The following LIN37 variants were observed in gnomAD, a reference collection of about 807,000 sequenced individuals.
The protein encoded by LIN37 is protein lin-37 homolog.
Under a neutral mutation model 38.0 loss-of-function variants are expected in LIN37, and 21 were observed. The observed-to-expected ratio is 0.55, with a 90% confidence interval of 0.39 to 0.80. The LOEUF (loss-of-function observed/expected upper bound fraction) is 0.80. Ranked by LOEUF, LIN37 falls within the 30% of genes least tolerant of loss-of-function variation. LIN37 has a pLI of 0.00. For synonymous variants in LIN37, 126 were observed against 122.9 expected (o/e 1.03, Z -0.17); for missense variants, 273 against 338.5 (o/e 0.81, Z 1.52).
rs764059467 is a variant in LIN37, at chr19:35,753,269, G to T, written c.444+16G>T. The stretch of plus-strand genomic sequence containing the variant: ...GGATGAGGAGGTGGGATGGGTAGTG[G>T]GTCCCAGCCCAGCAGCCTGGTGCCA... On this transcript the variant is annotated intron_variant, in intron 6 of 8. Transcript: ENST00000301159. The T allele has an allele frequency of 9.1e-6, 14 of 1,543,774 alleles. 1 individual carries two copies. In the South Asian group the frequency reaches 1.7e-4, roughly 18 times the overall value.
chr19:35,753,647 AG>A (rs1161159709), intron 6 of LIN37: 10 of 488,408 alleles, frequency 2.0e-5, no homozygotes, highest in Non-Finnish European at 1.1e-5. Context: ...GGGGTAGACA[AG>A]GGTCCCCAGG....
At chr19:35,749,722 T>C (rs1599735397) in intron 1 of LIN37, among the ~76,000 whole-genome samples, 2 of 148,258 alleles carry the variant, frequency 1.3e-5, no homozygotes, top group African/African-American at 2.5e-5. Flanking sequence ...GGAGGATCGC[T>C]GGAGCCGGGG....
intron 1 of LIN37, 24 bp from the exon 2 acceptor site, chr19:35,752,152 C>A: frequency 1.9e-6 from 3 of 1,571,686 alleles, no homozygotes; most frequent in Non-Finnish European, 2.6e-6. Context: ...GAGCTGACTC[C>A]TGCTGGGTCC....
chr19:35,753,306 G>A (rs1358649653), intron 6 of LIN37, 53 bp downstream of exon 6: 1 of 1,531,358 alleles, frequency 6.5e-7, no homozygotes, highest in Non-Finnish European at 8.8e-7. Context: ...GGCAGTGGGT[G>A]GATAGGCTCA....
chr19:35,753,434 G>A, intron 6 of LIN37, 181 bp downstream of exon 6: 1 of 759,060 alleles, frequency 1.3e-6, no homozygotes, highest in South Asian at 1.6e-5. Context: ...AGAGTCCCTA[G>A]GGAAGACATA....
intron 1 of LIN37, among the ~76,000 whole-genome samples, chr19:35,749,824 G>GAAGA (rs59413476): frequency 6.9e-6 from 1 of 145,508 alleles, no homozygotes; most frequent in Non-Finnish European, 1.5e-5. Flanking sequence ...AAAAAAGAAA[G>GAAGA]GAAAAGAAAA....
At position 35,750,539 on chromosome 19, in the gene LIN37, C is replaced by T. The variant is rs1034684310; in HGVS notation, c.35-1637C>T. 7.2e-5 allele frequency among the ~76,000 whole-genome samples: 11 copies of T among 152,310 alleles called. No individual in the cohort carries two copies. The East Asian group carries it at 1.9e-3, about 27-fold the overall frequency. Reference sequence around the variant, plus strand: ...ACACCTCTCAAAGGTAGGAGGACAGCGTAACATCATCACTTCCTCAAGTTC... The same window carrying T: ...ACACCTCTCAAAGGTAGGAGGACAGTGTAACATCATCACTTCCTCAAGTTC... On this transcript the variant is annotated intron_variant, in intron 1 of 8. Transcript: ENST00000301159.
At chr19:35,748,834 C>G in intron 1 of LIN37, 76 bp downstream of exon 1, 1 of 1,610,924 alleles carries the variant, frequency 6.2e-7, no homozygotes, top group Non-Finnish European at 8.5e-7. Flanking sequence ...AAGGGAGTAT[C>G]GCGGAAAGGG....
chr19:35,752,676 G>A (rs1032236601), intron 3 of LIN37, 128 bp from the exon 4 acceptor site: 1 of 1,373,350 alleles, frequency 7.3e-7, no homozygotes, highest in Admixed American at 2.0e-5. Flanking sequence ...GGTATGGGTG[G>A]GACAAAAGGC....
chr19:35,752,122 C>A, intron 1 of LIN37, 54 bp from the exon 2 acceptor site: 1 of 1,402,144 alleles, frequency 7.1e-7, no homozygotes, highest in Middle Eastern at 1.8e-4. Flanking sequence ...CAGTCAGCTG[C>A]CCACCTAGCT....
Position 35,754,088 on chromosome 19 carries a change from C to T in LIN37, c.516C>T (p.Pro172=), listed in dbSNP as rs369204117. 16 of 1,613,846 alleles carry T rather than the reference C, an allele frequency of 9.9e-6. No individual in the cohort carries two copies. The highest frequency in any genetic ancestry group is 5.3e-5 in the African/African-American group (4 of 74,940). Residue 172 remains proline (P), a synonymous_variant, in exon 7 of 9, where the codon CCC becomes CCT. Coordinates refer to ENST00000301159, the MANE Select transcript of LIN37 (RefSeq NM_019104.3). ...KLPPPTPPGP[P]GDACRSRIPS... ...CGCCACCCACACCCCCGGGGCCACCCGGAGATGCCTGCAGATCCCGCATCC... is the reference window on the plus strand; with the variant it reads ...CGCCACCCACACCCCCGGGGCCACCTGGAGATGCCTGCAGATCCCGCATCC...
intron 6 of LIN37, 175 bp from the exon 7 acceptor site, chr19:35,753,842 C>G (rs231242): frequency 0.21 from 141,664 of 676,442 alleles, 17,622 homozygotes; most frequent in African/African-American, 0.48. Flanking sequence ...GGGGCAGGCA[C>G]ACTTGACCCG....
chr19:35,752,341 T>G, intron 2 of LIN37, 90 bp downstream of exon 2: 1 of 1,578,942 alleles, frequency 6.3e-7, no homozygotes, highest in Non-Finnish European at 8.7e-7. Flanking sequence ...ACAGGCTGAC[T>G]TGGGGAGGAA....
rs1970688124 is a variant in LIN37, at chr19:35,752,219, G to A, written c.78G>A (p.Leu26=). ...CCCGGAACCAACTGGATGCTGTCTT[G>A]CAGTGTCTGCTGGAGAAGAGTCACA... ...AKARNQLDAV[L]QCLLEKSHMD... Residue 26 remains leucine (L), a synonymous_variant, in exon 2 of 9, where the codon TTG becomes TTA. Coordinates refer to ENST00000301159, the MANE Select transcript of LIN37 (RefSeq NM_019104.3). The A allele has an allele frequency of 6.2e-7, 1 of 1,607,212 alleles. No homozygotes were observed. The highest frequency in any genetic ancestry group is 1.1e-5 in the South Asian group (1 of 89,682).
rs375119961 is a variant in LIN37, at chr19:35,752,261, C to A, written c.110+10C>A. 1 of 1,602,134 alleles carries A rather than the reference C, an allele frequency of 6.2e-7. No homozygotes were observed. The highest frequency in any genetic ancestry group is 1.3e-5 in the African/African-American group (1 of 74,646). On this transcript the variant is annotated intron_variant, in intron 2 of 8. Coordinates refer to ENST00000301159, the MANE Select transcript of LIN37 (RefSeq NM_019104.3). Reference sequence around the variant, plus strand: ...AGAGTCACATGGACAGGTAGGCCAGCGTGGGGTCACAGGGCCGGGCACCCT... The same window carrying A: ...AGAGTCACATGGACAGGTAGGCCAGAGTGGGGTCACAGGGCCGGGCACCCT...
chr19:35,753,238 G>T lies in LIN37; in HGVS notation c.429G>T (p.Leu143=). The T allele has an allele frequency of 6.4e-7, 1 of 1,550,910 alleles. No homozygotes were observed. The change falls in exon 6 of 9, where the codon CTG becomes CTT. Residue 143 remains leucine (L), a synonymous_variant. Transcript: ENST00000301159. The part of the protein sequence containing the change: ...ECSPSSPLPP[L]PEDEEGSEVT... ...CTCCCAGCTCACCCCTGCCCCCGCT[G>T]CCTGAGGATGAGGAGGTGGGATGGG...
chr19:35,750,556 C>G (rs775462928), intron 1 of LIN37, among the ~76,000 whole-genome samples: 1 of 152,196 alleles, frequency 6.6e-6, no homozygotes, highest in Non-Finnish European at 1.5e-5. Flanking sequence ...TCATCACTTC[C>G]TCAAGTTCTG....
At chr19:35,750,565 T>A (rs1219978280) in intron 1 of LIN37, among the ~76,000 whole-genome samples, 1 of 152,188 alleles carries the variant, frequency 6.6e-6, no homozygotes, top group Admixed American at 6.5e-5. Flanking sequence ...CCTCAAGTTC[T>A]GTGATGACGG....
chr19:35,749,973 AG>A (rs1970659869), intron 1 of LIN37, among the ~76,000 whole-genome samples: 1 of 152,094 alleles, frequency 6.6e-6, no homozygotes, highest in South Asian at 2.1e-4. Context: ...AGGGAAGATC[AG>A]GGTCAGGTTT....
Sources: gnomAD v4.1 joint callset for allele counts (sites outside exome capture counted in the v4.1 genomes callset) on GRCh38, gnomAD v4.1.1 for gene constraint, MANE v1.5 for transcripts, NCBI Gene and HGNC (gene_info 2026-07-23, HGNC 2026-07-21) for gene names.